FHIT: variants seen among roughly 807,000 people sequenced by gnomAD.
The protein encoded by FHIT is fragile histidine triad diadenosine triphosphatase.
A neutral mutation model predicts 17.9 loss-of-function variants in FHIT; 19 were observed. The observed-to-expected ratio is 1.06, with a 90% CI of 0.74 to 1.56. FHIT has a LOEUF of 1.56. Ranked by LOEUF, FHIT falls within the 40% of genes most tolerant of loss-of-function variation. FHIT has a pLI of 0.00. For missense variants in FHIT, 248 were observed against 189.2 expected (o/e 1.31, Z -1.82); for synonymous variants, 81 against 69.7 (o/e 1.16, Z -0.81).
At chr3:61,012,724 A>AT (rs1339115151) in intron 3 of FHIT, among the ~76,000 whole-genome samples, 3 of 151,462 alleles carry the variant, frequency 2.0e-5, no homozygotes, top group Admixed American at 6.6e-5. Flanking sequence ...AGAAATACAT[A>AT]TTTTTTGTTT....
At chr3:59,901,236 T>A (rs1704315738) in intron 8 of FHIT, among the ~76,000 whole-genome samples, 4 of 152,232 alleles carry the variant, frequency 2.6e-5, no homozygotes, top group Admixed American at 2.6e-4. Context: ...GGAAAAGGTA[T>A]TTGGAAAGAT....
chr3:60,102,931 G>C (rs913634518), intron 5 of FHIT, among the ~76,000 whole-genome samples: 4 of 152,176 alleles, frequency 2.6e-5, no homozygotes, highest in Non-Finnish European at 5.9e-5. Context: ...ATGCATTTGC[G>C]AAGGTGCCAT....
At chr3:60,498,339 A>G (rs2034387404) in intron 5 of FHIT, among the ~76,000 whole-genome samples, 1 of 152,240 alleles carries the variant, frequency 6.6e-6, no homozygotes, top group Non-Finnish European at 1.5e-5. Context: ...TTACATTTAT[A>G]GCATACTAAC....
chr3:60,347,511 A>G (rs1002100582), intron 5 of FHIT, among the ~76,000 whole-genome samples: 1 of 152,160 alleles, frequency 6.6e-6, no homozygotes, highest in Admixed American at 6.5e-5. Flanking sequence ...TTACTAAAAC[A>G]AAACTGTAAC....
intron 8 of FHIT, among the ~76,000 whole-genome samples, chr3:59,773,835 C>T (rs1286996731): frequency 6.6e-6 from 1 of 152,162 alleles, no homozygotes; most frequent in African/African-American, 2.4e-5. Flanking sequence ...CCCCATGTGA[C>T]TACCAGGCCC....
chr3:61,157,511 T>C (rs2107078534), intron 2 of FHIT, among the ~76,000 whole-genome samples: 1 of 152,248 alleles, frequency 6.6e-6, no homozygotes, highest in South Asian at 2.1e-4. Flanking sequence ...CAGAGGAACC[T>C]TGGGAGCATC....
At chr3:60,450,206 A>G (rs945413872) in intron 5 of FHIT, among the ~76,000 whole-genome samples, 2 of 152,034 alleles carry the variant, frequency 1.3e-5, no homozygotes, top group African/African-American at 4.8e-5. Flanking sequence ...AGGTTACACT[A>G]AATTTATTAA....
intron 8 of FHIT, among the ~76,000 whole-genome samples, chr3:59,903,441 G>T (rs987411504): frequency 6.6e-6 from 1 of 152,146 alleles, no homozygotes; most frequent in Non-Finnish European, 1.5e-5. Flanking sequence ...TATTTTAATT[G>T]TATCTAAATA....
chr3:60,521,852 G>T (rs913221960), intron 5 of FHIT, among the ~76,000 whole-genome samples: 1 of 152,192 alleles, frequency 6.6e-6, no homozygotes, highest in African/African-American at 2.4e-5. Flanking sequence ...GCCATTGGCA[G>T]GCAGAGCTCT....
At chr3:61,215,139 T>G (rs2039630551) in intron 1 of FHIT, among the ~76,000 whole-genome samples, 1 of 151,878 alleles carries the variant, frequency 6.6e-6, no homozygotes, top group African/African-American at 2.4e-5. Flanking sequence ...TTCAACATAG[T>G]GTTGGAAGTT....
chr3:60,355,153 C>G (rs1398667566), intron 5 of FHIT, among the ~76,000 whole-genome samples: 2 of 152,028 alleles, frequency 1.3e-5, no homozygotes, highest in Non-Finnish European at 2.9e-5. Context: ...GTTTTTTGTT[C>G]TCAAAGGATT....
chr3:60,088,292 T>A (rs570285894), intron 5 of FHIT, among the ~76,000 whole-genome samples: 2 of 152,286 alleles, frequency 1.3e-5, no homozygotes, highest in African/African-American at 4.8e-5. Context: ...AATTTCAACA[T>A]GTGCCTTGAC....
chr3:59,988,911 A>G (rs962211350), intron 7 of FHIT, among the ~76,000 whole-genome samples: 1 of 152,116 alleles, frequency 6.6e-6, no homozygotes, highest in African/African-American at 2.4e-5. Context: ...GAGCTACTCT[A>G]AGACAGATTC....
chr3:60,311,482 T>C (rs998499779), intron 5 of FHIT, among the ~76,000 whole-genome samples: 3 of 152,208 alleles, frequency 2.0e-5, no homozygotes, highest in African/African-American at 7.2e-5. Context: ...CTTCACTATA[T>C]GGCTACTGTG....
intron 4 of FHIT, among the ~76,000 whole-genome samples, chr3:60,642,539 T>C (rs1002884559): frequency 6.6e-6 from 1 of 152,230 alleles, no homozygotes; most frequent in African/African-American, 2.4e-5. Flanking sequence ...TTCTCAAGTT[T>C]GTAAAACAAA....
intron 5 of FHIT, among the ~76,000 whole-genome samples, chr3:60,390,640 G>A (rs1701192856): frequency 3.3e-5 from 5 of 152,020 alleles, no homozygotes; most frequent in Admixed American, 1.3e-4. Context: ...ATGTGGAGGT[G>A]GAAGACAGTG....
At chr3:60,470,054 T>C (rs368548827) in intron 5 of FHIT, among the ~76,000 whole-genome samples, 16,310 of 93,364 alleles carry the variant, frequency 0.17, 1,898 homozygotes, top group African/African-American at 0.43. Context: ...TCCTCTCTCT[T>C]TCTTTCTCTC....
chr3:59,984,083 A>G (rs758913438), intron 7 of FHIT, among the ~76,000 whole-genome samples: 1 of 152,114 alleles, frequency 6.6e-6, no homozygotes, highest in Non-Finnish European at 1.5e-5. Flanking sequence ...ACTATCCCTA[A>G]TATTCCAAGG....
In FHIT at chr3:60,746,797, C is replaced by T. The variant is rs150186204; in HGVS notation, c.-18+75122G>A. ...GTTTGTATGTTTGTTTGTTAATAAA[C>T]GTGGCTTGAATTAGATATATGGCTC... On this transcript the variant is annotated intron_variant, in intron 4 of 9. Coordinates refer to ENST00000492590, the MANE Select transcript of FHIT (RefSeq NM_002012.4). 8.7e-4 allele frequency among the ~76,000 whole-genome samples: 133 copies of T among 152,226 alleles called. 2 individuals carry two copies. The highest frequency in any genetic ancestry group is 3.1e-3 in the African/African-American group (130 of 41,526).
Sources: allele counts gnomAD v4.1 joint callset (sites outside exome capture counted in the v4.1 genomes callset), GRCh38; gene constraint gnomAD v4.1.1; transcripts MANE v1.5; gene names NCBI Gene and HGNC (gene_info 2026-07-23, HGNC 2026-07-21).